MEGF11: variants seen among roughly 807,000 people sequenced by gnomAD.
The protein encoded by MEGF11 is multiple epidermal growth factor-like domains protein 11.
In MEGF11, 126 loss-of-function variants were observed where a neutral mutation model predicts 146.6. The observed-to-expected ratio is 0.86, with a 90% CI of 0.74 to 1.00. The LOEUF (loss-of-function observed/expected upper bound fraction) is 1.00. MEGF11 is among the 50% of genes least tolerant of loss of function. MEGF11 has a pLI of 0.00. For synonymous variants in MEGF11, 532 were observed against 583.4 expected (o/e 0.91, Z 1.27); for missense variants, 1,509 against 1,521.2 (o/e 0.99, Z 0.13).
At chr15:65,907,536 C>G (rs919123305) in intron 23 of MEGF11, among the ~76,000 whole-genome samples, 1 of 152,210 alleles carries the variant, frequency 6.6e-6, no homozygotes, top group African/African-American at 2.4e-5. Context: ...GTCACGTGAT[C>G]TGCCTGCCTC....
chr15:65,973,403 A>G (rs1374020465), intron 7 of MEGF11, among the ~76,000 whole-genome samples: 2 of 152,254 alleles, frequency 1.3e-5, no homozygotes, highest in Admixed American at 1.3e-4. Flanking sequence ...GCTCTGTTAG[A>G]GAGTTTTAAG....
At chr15:66,154,749 A>G (rs148487793) in intron 1 of MEGF11, among the ~76,000 whole-genome samples, 1 of 152,288 alleles carries the variant, frequency 6.6e-6, no homozygotes, top group East Asian at 1.9e-4. Context: ...GGGCAAAGGA[A>G]CCAACCAGCC....
intron 16 of MEGF11, among the ~76,000 whole-genome samples, chr15:65,917,752 A>AT (rs1236204914): frequency 6.6e-6 from 1 of 152,224 alleles, no homozygotes; most frequent in Non-Finnish European, 1.5e-5. Flanking sequence ...ACTATCAACA[A>AT]TATCAGTACC....
chr15:66,071,995 G>A (rs867477372), intron 5 of MEGF11, among the ~76,000 whole-genome samples: 7 of 152,194 alleles, frequency 4.6e-5, no homozygotes, highest in African/African-American at 7.2e-5. Flanking sequence ...ACTCCCTTCC[G>A]GCGCTCTGCT....
At chr15:66,042,742 T>C (rs1432413567) in intron 5 of MEGF11, among the ~76,000 whole-genome samples, 1 of 152,186 alleles carries the variant, frequency 6.6e-6, no homozygotes, top group Non-Finnish European at 1.5e-5. Flanking sequence ...TGCTGGCCGC[T>C]GCATAACTGC....
chr15:66,141,289 T>TGTGTGTGAGA (rs1555475806), intron 1 of MEGF11, among the ~76,000 whole-genome samples: 20 of 101,250 alleles, frequency 2.0e-4, no homozygotes, highest in Admixed American at 1.0e-3. Context: ...TGTGTGTGTG[T>TGTGTGTGAGA]GAGAGAGAGA....
intron 12 of MEGF11, among the ~76,000 whole-genome samples, chr15:65,929,293 CCA>C (rs1259808861): frequency 6.6e-6 from 1 of 152,162 alleles, no homozygotes; most frequent in Non-Finnish European, 1.5e-5. Context: ...GCTTTAGTCA[CCA>C]CACACTCTGA....
intron 21 of MEGF11, among the ~76,000 whole-genome samples, chr15:65,911,262 C>T (rs966621466): frequency 1.3e-5 from 2 of 152,182 alleles, no homozygotes; most frequent in Non-Finnish European, 2.9e-5. Context: ...CTGCAACAAA[C>T]GGTTATGAGT....
intron 1 of MEGF11, among the ~76,000 whole-genome samples, chr15:66,211,217 T>C (rs1442159166): frequency 6.6e-6 from 1 of 152,220 alleles, no homozygotes; most frequent in Non-Finnish European, 1.5e-5. Context: ...GCCTCTGCCA[T>C]TGGCCATAAG....
At chr15:65,952,103 C>T (rs113555596) in intron 10 of MEGF11, among the ~76,000 whole-genome samples, 9,328 of 152,210 alleles carry the variant, frequency 0.061, 417 homozygotes, top group Non-Finnish European at 0.092. Flanking sequence ...CTGTTAATCT[C>T]TTATTGTGTA....
chr15:66,144,256 T>G (rs553701382), intron 1 of MEGF11, among the ~76,000 whole-genome samples: 18 of 152,124 alleles, frequency 1.2e-4, no homozygotes, highest in African/African-American at 4.1e-4. Flanking sequence ...GGCATCGGTG[T>G]TGTCCAAAAG....
At chr15:65,924,787 G>C (rs1054225577) in intron 13 of MEGF11, among the ~76,000 whole-genome samples, 1 of 152,084 alleles carries the variant, frequency 6.6e-6, no homozygotes, top group Non-Finnish European at 1.5e-5. Flanking sequence ...CACCACCACA[G>C]CTGGCTAACT....
intron 1 of MEGF11, among the ~76,000 whole-genome samples, chr15:66,230,779 T>C (rs535585249): frequency 4.6e-4 from 70 of 152,314 alleles, no homozygotes; most frequent in African/African-American, 1.6e-3. Flanking sequence ...AAATTTTTCA[T>C]TGTAAAGAGT....
At chr15:65,946,648 C>T (rs1411206457) in intron 10 of MEGF11, among the ~76,000 whole-genome samples, 2 of 152,232 alleles carry the variant, frequency 1.3e-5, no homozygotes, top group Non-Finnish European at 1.5e-5. Flanking sequence ...CCACTTCGGC[C>T]TCCCAAAGTG....
chr15:65,935,270 A>G (rs1171854730), intron 10 of MEGF11, among the ~76,000 whole-genome samples: 1 of 134,432 alleles, frequency 7.4e-6, no homozygotes, highest in African/African-American at 2.8e-5. Context: ...CAGTGAGCCG[A>G]GGTCACACCA....
Position 65,916,046 on chromosome 15 carries a change from G to A in MEGF11, c.2344+102C>T, listed in dbSNP as rs1434715668. 6 of 1,366,340 alleles carry A rather than the reference G, an allele frequency of 4.4e-6. No individual in the cohort carries two copies. In the African/African-American group the frequency reaches 4.4e-5, roughly 10 times the overall value. The allele number at this position is 1,366,340 out of a possible 1,614,324, so 84.6% of individuals were successfully genotyped here. A position where few individuals can be genotyped will look rare whatever the true frequency, so the allele number is the denominator to read the frequency against. Reference sequence around the variant, plus strand: ...TGTCCCCAAAGTCAAGGGACCAAGGGGTACAGAGCCCTGAGTGAGTGGACC... The same window carrying A: ...TGTCCCCAAAGTCAAGGGACCAAGGAGTACAGAGCCCTGAGTGAGTGGACC... On this transcript the variant is annotated intron_variant, in intron 18 of 25. Transcript: ENST00000395614.
At chr15:65,962,162 A>C (rs1397148530) in intron 9 of MEGF11, among the ~76,000 whole-genome samples, 2 of 152,166 alleles carry the variant, frequency 1.3e-5, no homozygotes, top group Admixed American at 6.5e-5. Flanking sequence ...CTTTTCTTGA[A>C]TCTCAAGAGA....
At chr15:65,926,405 T>C (rs2141280233) in intron 13 of MEGF11, among the ~76,000 whole-genome samples, 1 of 152,354 alleles carries the variant, frequency 6.6e-6, no homozygotes, top group South Asian at 2.1e-4. Context: ...CAGTAAACAT[T>C]TAATAAGCAC....
At chr15:66,124,110 G>T in intron 2 of MEGF11, 110 bp from the exon 3 acceptor site, 1 of 844,106 alleles carries the variant, frequency 1.2e-6, no homozygotes, top group Non-Finnish European at 2.0e-6. Flanking sequence ...ACAGCCAAGT[G>T]TCCGGAGGCT....
Sources: allele counts gnomAD v4.1 joint callset (sites outside exome capture counted in the v4.1 genomes callset), GRCh38; gene constraint gnomAD v4.1.1; transcripts MANE v1.5; gene names NCBI Gene and HGNC (gene_info 2026-07-23, HGNC 2026-07-21).